The following MBP variants were observed in gnomAD, a reference collection of about 807,000 sequenced individuals.
MBP encodes the protein myelin basic protein, also known as Golli-MBP.
In MBP, 16 loss-of-function variants were observed where a neutral mutation model predicts 35.8. The ratio of observed to expected loss-of-function variants is 0.45; its 90% CI spans 0.30 to 0.68. MBP has a LOEUF of 0.68. Ranked by LOEUF, MBP falls within the 30% of genes least tolerant of loss-of-function variation. The pLI is 0.08. For synonymous variants in MBP, 143 were observed against 159.6 expected, an observed-to-expected ratio of 0.90 and a Z score of 0.78; for missense variants, 380 against 404.7, an observed-to-expected ratio of 0.94 and a Z score of 0.52.
intron 3 of MBP, among the ~76,000 whole-genome samples, chr18:77,061,199 T>G (rs1046758343): frequency 6.6e-6 from 1 of 152,250 alleles, no homozygotes; most frequent in Non-Finnish European, 1.5e-5. Flanking sequence ...TACTGAATTC[T>G]ATTACAATAA....
intron 3 of MBP, among the ~76,000 whole-genome samples, chr18:77,040,886 C>A (rs1208833159): frequency 6.6e-6 from 1 of 152,180 alleles, no homozygotes; most frequent in African/African-American, 2.4e-5. Flanking sequence ...GACTTCATGT[C>A]TAAAACACCA....
At chr18:77,132,067 AC>A (rs889007385) in intron 1 of MBP, among the ~76,000 whole-genome samples, 1 of 151,164 alleles carries the variant, frequency 6.6e-6, no homozygotes, top group Non-Finnish European at 1.5e-5. Flanking sequence ...AGCCGGGAGG[AC>A]CCCCCAGCCC....
At chr18:77,021,264 T>TGCACACACACCCACGTGTAC (rs1432237569) in intron 3 of MBP, among the ~76,000 whole-genome samples, 1 of 152,090 alleles carries the variant, frequency 6.6e-6, no homozygotes. Flanking sequence ...CCCGCTCTGG[T>TGCACACACACCCACGTGTAC]GCACACACAC....
At chr18:77,014,463 C>T (rs1971516321) in intron 4 of MBP, 3 of 985,368 alleles carry the variant, frequency 3.0e-6, no homozygotes, top group South Asian at 9.4e-5. Flanking sequence ...TCCTGAGAGA[C>T]AGGGCCCGGG....
chr18:77,094,109 T>TC (rs1975659292), intron 2 of MBP, among the ~76,000 whole-genome samples: 1 of 152,050 alleles, frequency 6.6e-6, no homozygotes, highest in Non-Finnish European at 1.5e-5. Flanking sequence ...CCGGAGTAGC[T>TC]GGGATTACAG....
At chr18:77,112,167 A>ATG (rs1555730788) in intron 1 of MBP, among the ~76,000 whole-genome samples, 41 of 82,328 alleles carry the variant, frequency 5.0e-4, no homozygotes, top group African/African-American at 1.2e-3. Flanking sequence ...CACCGTGCAC[A>ATG]CGCACACACA....
chr18:77,016,682 T>C, intron 4 of MBP, 150 bp downstream of exon 4: 1 of 1,444,728 alleles, frequency 6.9e-7, no homozygotes, highest in Non-Finnish European at 9.1e-7. Context: ...GCCCACACTC[T>C]TGGGCTCATA....
intron 2 of MBP, among the ~76,000 whole-genome samples, chr18:77,076,633 G>A (rs1016020657): frequency 5.9e-5 from 9 of 152,220 alleles, no homozygotes; most frequent in Non-Finnish European, 1.3e-4. Flanking sequence ...TGTGCCAGCG[G>A]CTGTTTCATG....
chr18:77,056,462 C>T (rs1437847312), intron 3 of MBP, among the ~76,000 whole-genome samples: 1 of 152,200 alleles, frequency 6.6e-6, no homozygotes, highest in Non-Finnish European at 1.5e-5. Context: ...TCGAAGGACC[C>T]AGGAGCCTTT....
chr18:77,030,598 C>A (rs547779450), intron 3 of MBP, among the ~76,000 whole-genome samples: 1 of 152,280 alleles, frequency 6.6e-6, no homozygotes, highest in Admixed American at 6.5e-5. Flanking sequence ...CTAAATACAC[C>A]AAAATGTGTT....
intron 1 of MBP, among the ~76,000 whole-genome samples, chr18:77,117,540 C>T (rs1032020694): frequency 1.3e-5 from 2 of 152,092 alleles, no homozygotes; most frequent in East Asian, 1.9e-4. Flanking sequence ...GATGCAAACA[C>T]GTTGGCAGAA....
chr18:77,012,853 G>A (rs551814816), intron 4 of MBP: 1 of 985,030 alleles, frequency 1.0e-6, no homozygotes, highest in Non-Finnish European at 1.2e-6. Flanking sequence ...AAAGCCAAAA[G>A]CTCATAATAA....
intron 1 of MBP, among the ~76,000 whole-genome samples, chr18:77,111,031 A>G (rs921616989): frequency 5.3e-5 from 8 of 151,864 alleles, no homozygotes; most frequent in Non-Finnish European, 1.0e-4. Context: ...AGCTGGCTGT[A>G]TTGCCTCGTG....
intron 2 of MBP, among the ~76,000 whole-genome samples, chr18:77,092,874 C>T (rs1419144887): frequency 6.6e-6 from 1 of 152,200 alleles, no homozygotes; most frequent in Non-Finnish European, 1.5e-5. Context: ...ACGCCTGCTG[C>T]CCTGCTCAGT....
intron 2 of MBP, 57 bp from the exon 3 acceptor site, chr18:77,066,442 AAT>A: frequency 9.6e-7 from 1 of 1,037,580 alleles, no homozygotes. Context: ...TTATCAACAA[AAT>A]AATTGTAATG....
rs1267320608 is a variant in MBP, at chr18:77,059,468, G to A, written c.139+6830C>T. ...AATTATAATAATTTAATTTTATAAA[G>A]TAGTCACTAATTATTTATAATTAAT... On this transcript the variant is annotated intron_variant, in intron 3 of 8. Coordinates refer to ENST00000355994, the MANE Select transcript of MBP (RefSeq NM_001025101.2). Among the ~76,000 whole-genome samples the A allele has an allele frequency of 2.5e-5, 3 of 117,710 alleles. No homozygotes were observed. The East Asian group carries it at 6.7e-4, about 26-fold the overall frequency. The allele number at this position is 117,710 out of a possible 152,430, so 77.2% of individuals were successfully genotyped here.
intron 3 of MBP, among the ~76,000 whole-genome samples, chr18:77,056,570 G>T (rs1973731245): frequency 6.6e-6 from 1 of 152,088 alleles, no homozygotes; most frequent in Non-Finnish European, 1.5e-5. Flanking sequence ...AACATTGCTG[G>T]CCTGACTGCA....
Position 77,020,930 on chromosome 18 carries a change from G to A in MBP, c.140-3662C>T, listed in dbSNP as rs1448594370. Reference sequence around the variant, plus strand: ...TAAGAGGCAGGAAAGTCATAAAGACGTTGGTGAGGAAAAGATGTTTCTCAT... The same window carrying A: ...TAAGAGGCAGGAAAGTCATAAAGACATTGGTGAGGAAAAGATGTTTCTCAT... On this transcript the variant is annotated intron_variant, in intron 3 of 8. Coordinates refer to ENST00000355994, the MANE Select transcript of MBP (RefSeq NM_001025101.2). This position sits in a 1 kb window ranked among gnomAD's most constrained non-coding sequence, Gnocchi z 4.1. 6.6e-6 allele frequency among the ~76,000 whole-genome samples: 1 copy of A among 152,224 alleles called. No homozygotes were observed. The highest frequency in any genetic ancestry group is 1.5e-5 in the Non-Finnish European group (1 of 68,042).
chr18:77,123,837 C>T (rs980407391), intron 1 of MBP, among the ~76,000 whole-genome samples: 1 of 152,182 alleles, frequency 6.6e-6, no homozygotes, highest in African/African-American at 2.4e-5. Context: ...TTTTGTTTTC[C>T]GTGTGTATTG....
Sources: gnomAD v4.1 joint callset for allele counts (sites outside exome capture counted in the v4.1 genomes callset) on GRCh38, gnomAD v4.1.1 for gene constraint, Gnocchi (gnomAD v3.1) non-coding constraint, MANE v1.5 for transcripts, NCBI Gene and HGNC (gene_info 2026-07-23, HGNC 2026-07-21) for gene names.